Variants in C6orf89 observed in about 807,000 individuals in gnomAD.
C6orf89 encodes bombesin receptor-activated protein C6orf89.
In C6orf89, 29 loss-of-function variants were observed where a neutral mutation model predicts 40.7. The observed-to-expected ratio is 0.71, with a 90% CI of 0.53 to 0.97. The LOEUF is 0.97. Among genes scored for constraint, C6orf89 ranks in the 50% least tolerant of loss-of-function variants. The pLI is 0.00. For missense variants in C6orf89, 392 were observed against 429.1 expected, an observed-to-expected ratio of 0.91 and a Z score of 0.76; for synonymous variants, 165 against 152.2, an observed-to-expected ratio of 1.08 and a Z score of -0.62.
chr6:36,913,444 C>T (rs953637480), intron 4 of C6orf89, among the ~76,000 whole-genome samples: 1 of 152,202 alleles, frequency 6.6e-6, no homozygotes, highest in Non-Finnish European at 1.5e-5. Context: ...GTCCTTTTCT[C>T]ACTCTTCCTT....
intron 6 of C6orf89, among the ~76,000 whole-genome samples, chr6:36,915,033 A>G (rs1762265676): frequency 6.6e-6 from 1 of 152,112 alleles, no homozygotes; most frequent in Non-Finnish European, 1.5e-5. Flanking sequence ...TGCGAGTAGG[A>G]AAGGGGCAGA....
chr6:36,885,805 C>G, upstream of C6orf89: 1 of 395,138 alleles, frequency 2.5e-6, no homozygotes, highest in East Asian at 3.6e-5. Context: ...AACCTACACT[C>G]TCCAGATATC....
chr6:36,909,082 GA>G (rs1294106443), intron 4 of C6orf89, among the ~76,000 whole-genome samples: 1 of 151,900 alleles, frequency 6.6e-6, no homozygotes, highest in Non-Finnish European at 1.5e-5. Context: ...TGGATTTTGG[GA>G]AAACATAATT....
chr6:36,923,604 A>G lies in C6orf89; in HGVS notation c.*163A>G. 1.5e-6 allele frequency: 1 copy of G among 682,998 alleles called. No individual in the cohort carries two copies. Among genetic ancestry groups the G allele is most frequent in the Non-Finnish European group, 2.7e-6 (1 of 365,692 alleles). The allele number at this position is 682,998 out of a possible 1,614,324, so 42.3% of individuals were successfully genotyped here. On this transcript the variant is annotated 3_prime_UTR_variant, in exon 9 of 9. Transcript: ENST00000480824. ...AGCTGTGAGCTGCAAGGCAGTGGCC[A>G]GAGCCTCGCCCTCCTGACTCTTCCT...
intron 4 of C6orf89, among the ~76,000 whole-genome samples, chr6:36,912,972 T>C (rs1308952029): frequency 6.6e-6 from 1 of 152,278 alleles, no homozygotes; most frequent in Non-Finnish European, 1.5e-5. Context: ...TTGTCTGTTA[T>C]CATTTGTCGT....
chr6:36,901,321 ATTTTTTTTTT>A (rs60381134), intron 3 of C6orf89, among the ~76,000 whole-genome samples: 2 of 19,026 alleles, frequency 1.1e-4, no homozygotes, highest in African/African-American at 1.7e-4. Context: ...TATTATTATT[ATTTTTTTTTT>A]TTTTTTTTTT....
chr6:36,907,514 G>A (rs1761972717), intron 4 of C6orf89, among the ~76,000 whole-genome samples: 1 of 152,094 alleles, frequency 6.6e-6, no homozygotes, highest in Non-Finnish European at 1.5e-5. Flanking sequence ...GGATAGTTAT[G>A]GTCTCTGCAC....
At chr6:36,899,326 A>G (rs1761570484) in intron 2 of C6orf89, 100 bp from the exon 3 acceptor site, 3 of 1,009,754 alleles carry the variant, frequency 3.0e-6, no homozygotes, top group African/African-American at 1.6e-5. Flanking sequence ...GGAAAGCACA[A>G]AACTGGTCCT....
At chr6:36,893,750 G>A (rs1031191116) in intron 1 of C6orf89, among the ~76,000 whole-genome samples, 3 of 152,110 alleles carry the variant, frequency 2.0e-5, no homozygotes, top group Non-Finnish European at 4.4e-5. Flanking sequence ...AGCCAATATG[G>A]TGAAACCCTG....
chr6:36,920,860 T>G (rs1463168436), intron 8 of C6orf89, among the ~76,000 whole-genome samples: 7 of 152,192 alleles, frequency 4.6e-5, no homozygotes, highest in Non-Finnish European at 8.8e-5. Context: ...AGTTTCTGTT[T>G]TATATTTTAC....
rs1762640636 is a variant in C6orf89, at chr6:36,925,197, TG to T, written c.*1757del. The T allele has an allele frequency of 6.6e-6, 1 of 152,236 alleles. No individual in the cohort carries two copies. The highest frequency in any genetic ancestry group is 2.4e-5 in the African/African-American group (1 of 41,454). The allele number at this position is 152,236 out of a possible 1,614,324, so 9.4% of individuals were successfully genotyped here. A position where few individuals can be genotyped will look rare whatever the true frequency, so the allele number is the denominator to read the frequency against. Reference sequence around the variant, plus strand: ...AGGGATCATCTGGAGGCCGGCTTTGTGCAAGCTTTTACAGCCTTCTGCAGTG... The same window carrying T: ...AGGGATCATCTGGAGGCCGGCTTTGTCAAGCTTTTACAGCCTTCTGCAGTG... On this transcript the variant is annotated 3_prime_UTR_variant, in exon 9 of 9. Coordinates refer to ENST00000480824, the MANE Select transcript of C6orf89 (RefSeq NM_001286635.2).
chr6:36,907,492 G>A (rs1476012417), intron 4 of C6orf89, among the ~76,000 whole-genome samples: 5 of 152,158 alleles, frequency 3.3e-5, no homozygotes, highest in Admixed American at 6.5e-5. Flanking sequence ...TGCCCAACTT[G>A]TAAAGAAGGG....
At chr6:36,893,792 A>G (rs1411951731) in intron 1 of C6orf89, among the ~76,000 whole-genome samples, 1 of 152,088 alleles carries the variant, frequency 6.6e-6, no homozygotes, top group African/African-American at 2.4e-5. Context: ...TTAGCTGGGT[A>G]TGGTGGCATG....
chr6:36,914,494 T>C, intron 5 of C6orf89, 59 bp downstream of exon 5: 1 of 1,612,094 alleles, frequency 6.2e-7, no homozygotes, highest in Non-Finnish European at 8.5e-7. Context: ...TAGGTCAAGC[T>C]CTAGGAAATT....
At chr6:36,914,470 G>A (rs753888591) in intron 5 of C6orf89, 35 bp downstream of exon 5, 1 of 1,613,422 alleles carries the variant, frequency 6.2e-7, no homozygotes, top group Admixed American at 1.7e-5. Flanking sequence ...CTGATTGGCT[G>A]CTTGCTTAAA....
At chr6:36,907,139 G>A (rs1003898272) in intron 4 of C6orf89, among the ~76,000 whole-genome samples, 3 of 152,046 alleles carry the variant, frequency 2.0e-5, no homozygotes, top group African/African-American at 7.3e-5. Flanking sequence ...TGCTATATAT[G>A]CCAGGCACTG....
At chr6:36,882,111 C>T (rs1774829837), upstream of C6orf89, among the ~76,000 whole-genome samples, 1 of 152,048 alleles carries the variant, frequency 6.6e-6, no homozygotes, top group Non-Finnish European at 1.5e-5. Context: ...CTCATGCTAT[C>T]CTCATTGGAT....
intron 1 of C6orf89, among the ~76,000 whole-genome samples, chr6:36,893,645 T>C (rs1761307690): frequency 6.6e-6 from 1 of 152,172 alleles, no homozygotes; most frequent in Non-Finnish European, 1.5e-5. Flanking sequence ...TCAAAAAGGC[T>C]TACAGGCCAG....
intron 4 of C6orf89, among the ~76,000 whole-genome samples, chr6:36,904,378 C>T (rs1183978730): frequency 3.3e-5 from 5 of 152,134 alleles, no homozygotes; most frequent in Non-Finnish European, 7.3e-5. Context: ...GTAGAGAGAG[C>T]GAGTGAGCAT....
Sources: allele counts gnomAD v4.1 joint callset (sites outside exome capture counted in the v4.1 genomes callset), GRCh38; gene constraint gnomAD v4.1.1; transcripts MANE v1.5; gene names NCBI Gene and HGNC (gene_info 2026-07-23, HGNC 2026-07-21).